CFAP54: variants seen among roughly 807,000 people sequenced by gnomAD.
CFAP54 encodes the protein cilia and flagella associated protein 54, also known as cilia- and flagella-associated protein 54.
In CFAP54, 290 loss-of-function variants were observed where a neutral mutation model predicts 370.4. The observed-to-expected ratio is 0.78, with a 90% CI of 0.71 to 0.86. The LOEUF (loss-of-function observed/expected upper bound fraction) is 0.86, where lower values mean the gene tolerates loss of function less well. Among genes scored for constraint, CFAP54 ranks in the 40% least tolerant of loss-of-function variants. The pLI is 0.00. For synonymous variants in CFAP54, 1,206 were observed against 1,236.5 expected (o/e 0.98, Z 0.52); for missense variants, 3,399 against 3,528.7 (o/e 0.96, Z 0.93).
chr12:96,500,325 C>T (rs1411596168), intron 1 of CFAP54, among the ~76,000 whole-genome samples: 3 of 152,098 alleles, frequency 2.0e-5, no homozygotes, highest in East Asian at 1.9e-4. Context: ...AAGTGGAGCA[C>T]GGAGGATTTT....
At chr12:96,636,303 T>C (rs1956663916) in intron 32 of CFAP54, among the ~76,000 whole-genome samples, 1 of 152,224 alleles carries the variant, frequency 6.6e-6, no homozygotes, top group African/African-American at 2.4e-5. Context: ...CTATGTCTCT[T>C]TGAGTCTGTA....
rs149870608 is a variant in CFAP54, at chr12:96,774,205, AT to A, written c.8281+8991del. ...GAAGTCCTTTATTATGAAAATCAAC[AT>A]TTTAGTTGTGATATTTGTAAATATA... is the stretch of plus-strand genomic sequence containing the variant. On this transcript the variant is annotated intron_variant, in intron 60 of 67. Transcript: ENST00000524981. Among the ~76,000 whole-genome samples the A allele has an allele frequency of 9.5e-3, 1,442 of 152,234 alleles. 54 individuals are homozygous for A. In the East Asian group the frequency reaches 0.1, roughly 11 times the overall value.
chr12:96,831,017 G>A (rs1959169287), intron 66 of CFAP54, among the ~76,000 whole-genome samples: 2 of 152,142 alleles, frequency 1.3e-5, no homozygotes, highest in Admixed American at 6.5e-5. Context: ...ATGGTTAAAA[G>A]CGTGACAAGT....
chr12:96,843,415 A>T (rs541796830), intron 66 of CFAP54, among the ~76,000 whole-genome samples: 1 of 152,304 alleles, frequency 6.6e-6, no homozygotes, highest in Non-Finnish European at 1.5e-5. Flanking sequence ...TGACGTTTAA[A>T]TGGAACTAAA....
intron 32 of CFAP54, among the ~76,000 whole-genome samples, chr12:96,632,832 T>G (rs1203428760): frequency 6.6e-6 from 1 of 152,004 alleles, no homozygotes; most frequent in Non-Finnish European, 1.5e-5. Context: ...TTAAAAATTA[T>G]TTATTTATTT....
intron 46 of CFAP54, among the ~76,000 whole-genome samples, chr12:96,702,044 A>C (rs1957497762): frequency 1.3e-5 from 2 of 152,120 alleles, no homozygotes; most frequent in Admixed American, 1.3e-4. Flanking sequence ...TGCCGAAGGG[A>C]GTGAACAGCA....
At chr12:96,742,121 G>T (rs1026072404) in intron 51 of CFAP54, among the ~76,000 whole-genome samples, 3 of 152,106 alleles carry the variant, frequency 2.0e-5, no homozygotes, top group African/African-American at 7.2e-5. Flanking sequence ...AACTTTTAAT[G>T]ACACAGAAAC....
At chr12:96,520,682 T>G (rs1955298613) in intron 6 of CFAP54, among the ~76,000 whole-genome samples, 1 of 152,206 alleles carries the variant, frequency 6.6e-6, no homozygotes, top group African/African-American at 2.4e-5. Flanking sequence ...CACCCCTTCC[T>G]TTGGGCCAAC....
intron 62 of CFAP54, among the ~76,000 whole-genome samples, chr12:96,789,249 T>C (rs969849019): frequency 1.3e-5 from 2 of 152,168 alleles, no homozygotes; most frequent in African/African-American, 2.4e-5. Flanking sequence ...CCCAAAGTTC[T>C]TTTTCCCAGA....
chr12:96,491,236 A>G (rs1954881099), intron 1 of CFAP54, among the ~76,000 whole-genome samples: 1 of 152,150 alleles, frequency 6.6e-6, no homozygotes, highest in African/African-American at 2.4e-5. Context: ...GCAATTGATG[A>G]GGATTTTTGT....
At chr12:96,666,432 C>T (rs2136528097) in intron 39 of CFAP54, among the ~76,000 whole-genome samples, 1 of 152,298 alleles carries the variant, frequency 6.6e-6, no homozygotes, top group Non-Finnish European at 1.5e-5. Flanking sequence ...TAAAGACATA[C>T]CTGGGACTGG....
chr12:96,867,541 G>A (rs1960036479), intron 67 of CFAP54, among the ~76,000 whole-genome samples: 2 of 152,154 alleles, frequency 1.3e-5, no homozygotes, highest in South Asian at 4.1e-4. Flanking sequence ...ATAAAATGTG[G>A]GATGTGCGTG....
At chr12:96,595,975 G>A (rs1037116644) in intron 25 of CFAP54, among the ~76,000 whole-genome samples, 1 of 152,100 alleles carries the variant, frequency 6.6e-6, no homozygotes, top group Non-Finnish European at 1.5e-5. Context: ...TGATCATTAA[G>A]TCTGAGTAAC....
intron 1 of CFAP54, among the ~76,000 whole-genome samples, chr12:96,497,367 C>T (rs1040422219): frequency 6.6e-6 from 1 of 152,140 alleles, no homozygotes; most frequent in African/African-American, 2.4e-5. Context: ...AGGACTGACA[C>T]GACTCAATTT....
intron 32 of CFAP54, among the ~76,000 whole-genome samples, chr12:96,635,402 G>T (rs925360827): frequency 6.6e-6 from 1 of 152,016 alleles, no homozygotes; most frequent in African/African-American, 2.4e-5. Context: ...AATGTTAAAT[G>T]ATGTGTAGTA....
At chr12:96,545,501 A>C (rs1955630201) in intron 14 of CFAP54, among the ~76,000 whole-genome samples, 1 of 152,120 alleles carries the variant, frequency 6.6e-6, no homozygotes, top group Non-Finnish European at 1.5e-5. Flanking sequence ...ATATTTCCAA[A>C]AAAAAATAAA....
intron 39 of CFAP54, among the ~76,000 whole-genome samples, chr12:96,671,153 G>T (rs1957141585): frequency 6.6e-6 from 1 of 151,982 alleles, no homozygotes; most frequent in Admixed American, 6.6e-5. Flanking sequence ...TTATATTTTA[G>T]TAGAGATGGG....
At chr12:96,767,752 A>G (rs1349988267) in intron 60 of CFAP54, among the ~76,000 whole-genome samples, 1 of 152,184 alleles carries the variant, frequency 6.6e-6, no homozygotes, top group Non-Finnish European at 1.5e-5. Flanking sequence ...TTCCTTAACA[A>G]CAACAAATAA....
chr12:96,567,752 T>C (rs1444540772), intron 19 of CFAP54, among the ~76,000 whole-genome samples: 1 of 152,146 alleles, frequency 6.6e-6, no homozygotes, highest in Non-Finnish European at 1.5e-5. Flanking sequence ...TGCCATAGTG[T>C]GCTGGTTCCC....
Sources: allele counts gnomAD v4.1 joint callset (sites outside exome capture counted in the v4.1 genomes callset), GRCh38; gene constraint gnomAD v4.1.1; transcripts MANE v1.5; gene names NCBI Gene and HGNC (gene_info 2026-07-23, HGNC 2026-07-21).